TSPAN9: variants seen among roughly 807,000 people sequenced by gnomAD.
TSPAN9 encodes tetraspanin 9, also known as tetraspanin-9.
Under a neutral mutation model 31.0 loss-of-function variants are expected in TSPAN9, and 16 were observed. The observed-to-expected ratio is 0.52, with a 90% CI of 0.35 to 0.78. TSPAN9 has a LOEUF of 0.78. TSPAN9 is among the 30% of genes least tolerant of loss of function. The pLI is 0.01. For missense variants in TSPAN9, 272 were observed against 312.5 expected, an observed-to-expected ratio of 0.87 and a Z score of 0.98; for synonymous variants, 145 against 121.6, an observed-to-expected ratio of 1.19 and a Z score of -1.27.
intron 2 of TSPAN9, among the ~76,000 whole-genome samples, chr12:3,112,782 A>G (rs562424156): frequency 3.4e-4 from 50 of 146,526 alleles, no homozygotes; most frequent in African/African-American, 1.1e-3. Context: ...TCTTGGGCTC[A>G]AGTGATCCTC....
At position 3,198,520 on chromosome 12, in the gene TSPAN9, A is replaced by ACACCAGCACAGGCCAC. The variant is rs1215643700; in HGVS notation, c.-17-2628_-17-2613dup. Among the ~76,000 whole-genome samples, 26 of 89,772 alleles carry ACACCAGCACAGGCCAC rather than the reference A, an allele frequency of 2.9e-4. 2 individuals carry two copies. The highest frequency in any genetic ancestry group is 5.8e-4 in the Admixed American group (5 of 8,586). 58.9% of individuals were successfully genotyped at this position (89,772 alleles called of 152,430 possible). ...GCACAGGCCACCACCAGCACAGGTC[A>ACACCAGCACAGGCCAC]CACCAGCACAGGCCACCACCAGCAC... is the stretch of plus-strand genomic sequence containing the variant. On this transcript the variant is annotated intron_variant, in intron 2 of 8. Transcript: ENST00000011898.
chr12:3,127,602 G>A (rs1202199302), intron 2 of TSPAN9, among the ~76,000 whole-genome samples: 5 of 152,040 alleles, frequency 3.3e-5, no homozygotes, highest in Non-Finnish European at 5.9e-5. Context: ...TGATCCACCT[G>A]CCTCGGCCTC....
chr12:3,179,200 A>G (rs2098357483), intron 2 of TSPAN9, among the ~76,000 whole-genome samples: 1 of 152,044 alleles, frequency 6.6e-6, no homozygotes, highest in African/African-American at 2.4e-5. Context: ...GGAACCATGG[A>G]TGCCGCAGAC....
intron 1 of TSPAN9, among the ~76,000 whole-genome samples, chr12:3,080,058 G>C (rs754638793): frequency 3.2e-4 from 49 of 151,682 alleles, no homozygotes; most frequent in Admixed American, 7.9e-4. Flanking sequence ...CAAAGTGTTG[G>C]GATTACAGGC....
chr12:3,078,631 T>C (rs375466506), intron 1 of TSPAN9, among the ~76,000 whole-genome samples: 2 of 152,174 alleles, frequency 1.3e-5, no homozygotes, highest in South Asian at 2.1e-4. Flanking sequence ...ACCGGCTTCC[T>C]ACCCTCGGCT....
At chr12:3,201,635 A>G (rs1353583119) in intron 3 of TSPAN9, among the ~76,000 whole-genome samples, 1 of 152,244 alleles carries the variant, frequency 6.6e-6, no homozygotes, top group East Asian at 1.9e-4. Flanking sequence ...AGTTGGAGAT[A>G]GGCACAAGTG....
At chr12:3,239,305 C>T (rs2098395387) in intron 3 of TSPAN9, among the ~76,000 whole-genome samples, 1 of 152,190 alleles carries the variant, frequency 6.6e-6, no homozygotes, top group Non-Finnish European at 1.5e-5. Flanking sequence ...GGGACTTGGC[C>T]CCTCTCTGAG....
At position 3,217,902 on chromosome 12, in the gene TSPAN9, T is replaced by G. The variant is rs74054930; in HGVS notation, c.63+16646T>G. Among the ~76,000 whole-genome samples the G allele has an allele frequency of 3.3e-3, 495 of 152,270 alleles. 3 individuals are homozygous for G. Among genetic ancestry groups the G allele is most frequent in the African/African-American group, 0.011 (469 of 41,556 alleles). On this transcript the variant is annotated intron_variant, in intron 3 of 8. Transcript: ENST00000011898. ...GCAAGGTGCTTAACTTTTAGAACCTTGACCTTCTCATCTATAAAATGGGTT... is the reference window on the plus strand; with the variant it reads ...GCAAGGTGCTTAACTTTTAGAACCTGGACCTTCTCATCTATAAAATGGGTT...
chr12:3,091,329 G>A (rs2098304465), intron 2 of TSPAN9, among the ~76,000 whole-genome samples: 1 of 152,346 alleles, frequency 6.6e-6, no homozygotes, highest in Non-Finnish European at 1.5e-5. Flanking sequence ...CAATGGACTC[G>A]ACACCGTGAC....
intron 2 of TSPAN9, among the ~76,000 whole-genome samples, chr12:3,154,010 A>ATATGTGTG: frequency 6.8e-6 from 1 of 147,902 alleles, no homozygotes; most frequent in African/African-American, 2.5e-5. Context: ...TTATATATAT[A>ATATGTGTG]TGTGTGTGTG....
At chr12:3,265,497 A>G (rs1181795019) in intron 3 of TSPAN9, among the ~76,000 whole-genome samples, 3 of 152,174 alleles carry the variant, frequency 2.0e-5, no homozygotes, top group East Asian at 3.8e-4. Flanking sequence ...CTGAGCTGCA[A>G]ATTTGTTTAT....
intron 2 of TSPAN9, among the ~76,000 whole-genome samples, chr12:3,111,725 T>A (rs1345112012): frequency 6.6e-6 from 1 of 151,926 alleles, no homozygotes; most frequent in Non-Finnish European, 1.5e-5. Context: ...ACAATTCTTG[T>A]GCCTCAGCCT....
chr12:3,135,016 G>A (rs1274967405), intron 2 of TSPAN9, among the ~76,000 whole-genome samples: 3 of 152,154 alleles, frequency 2.0e-5, no homozygotes, highest in Non-Finnish European at 4.4e-5. Flanking sequence ...CCTGCAGTCA[G>A]GGCTGGCATC....
At chr12:3,113,512 G>C (rs1180470622) in intron 2 of TSPAN9, among the ~76,000 whole-genome samples, 1 of 152,156 alleles carries the variant, frequency 6.6e-6, no homozygotes, top group Non-Finnish European at 1.5e-5. Context: ...GTACTATATT[G>C]GGTAAATAAA....
intron 3 of TSPAN9, among the ~76,000 whole-genome samples, chr12:3,244,486 G>A (rs111251250): frequency 1.3e-5 from 2 of 152,230 alleles, no homozygotes; most frequent in South Asian, 2.1e-4. Context: ...GATGGCGTGA[G>A]GTGCGCAGAT....
At chr12:3,174,804 G>C (rs113177191) in intron 2 of TSPAN9, among the ~76,000 whole-genome samples, 5,105 of 150,094 alleles carry the variant, frequency 0.034, 231 homozygotes, top group African/African-American at 0.1. Flanking sequence ...GGATGGTCTC[G>C]ATCTCCTGAC....
At chr12:3,204,258 C>T (rs757381189) in intron 3 of TSPAN9, among the ~76,000 whole-genome samples, 3 of 152,218 alleles carry the variant, frequency 2.0e-5, no homozygotes, top group Non-Finnish European at 4.4e-5. Context: ...ACCGCTGCCG[C>T]CACACCACCC....
rs2093683990 is a variant in TSPAN9, at chr12:3,184,891, T to C, written c.-17-16286T>C. 2.0e-5 allele frequency among the ~76,000 whole-genome samples: 3 copies of C among 152,182 alleles called. No individual in the cohort carries two copies. In the South Asian group the frequency reaches 6.2e-4, roughly 32 times the overall value. On this transcript the variant is annotated intron_variant, in intron 2 of 8. Coordinates refer to ENST00000011898, the MANE Select transcript of TSPAN9 (RefSeq NM_006675.5). ...TTCAGGGGGCACAGTTCACAGGGAA[T>C]GCAGTGTAACTGTCCTGCTGGAGTG... is the stretch of plus-strand genomic sequence containing the variant.
intron 3 of TSPAN9, among the ~76,000 whole-genome samples, chr12:3,218,412 A>G (rs1248821730): frequency 6.6e-6 from 1 of 152,196 alleles, no homozygotes; most frequent in African/African-American, 2.4e-5. Flanking sequence ...CTGAGCTCTC[A>G]AAAGGACTGC....
Sources: allele counts gnomAD v4.1 joint callset (sites outside exome capture counted in the v4.1 genomes callset), GRCh38; gene constraint gnomAD v4.1.1; transcripts MANE v1.5; gene names NCBI Gene and HGNC (gene_info 2026-07-23, HGNC 2026-07-21).